DNAI4: variants seen among roughly 807,000 people sequenced by gnomAD.
DNAI4 encodes dynein axonemal intermediate chain 4, also known as WD repeat domain 78.
In DNAI4, 85 loss-of-function variants were observed where a neutral mutation model predicts 105.8. That is an observed-to-expected ratio of 0.80 (90% CI 0.67 to 0.96). DNAI4 has a LOEUF of 0.96. Ranked by LOEUF, DNAI4 falls within the 40% of genes least tolerant of loss-of-function variation. DNAI4 has a pLI of 0.00. For missense variants in DNAI4, 1,014 were observed against 1,005.6 expected (o/e 1.01, Z -0.11); for synonymous variants, 352 against 331.5 (o/e 1.06, Z -0.67).
At chr1:66,865,687 G>A (rs1646718201) in intron 6 of DNAI4, among the ~76,000 whole-genome samples, 8 of 152,074 alleles carry the variant, frequency 5.3e-5, no homozygotes, top group Admixed American at 5.2e-4. Flanking sequence ...CCTCCACAGG[G>A]GTAAGAACAG....
At chr1:66,917,201 G>C (rs1386295861) in intron 1 of DNAI4, among the ~76,000 whole-genome samples, 1 of 152,134 alleles carries the variant, frequency 6.6e-6, no homozygotes, top group East Asian at 1.9e-4. Flanking sequence ...CCAAAATGAT[G>C]GGAAACTCCT....
intron 16 of DNAI4, among the ~76,000 whole-genome samples, chr1:66,818,479 C>T (rs1366703281): frequency 6.6e-6 from 1 of 152,052 alleles, no homozygotes; most frequent in African/African-American, 2.4e-5. Flanking sequence ...AAGAGAATAA[C>T]AAAATATATA....
rs1406789170 is a variant in DNAI4, at chr1:66,847,464, T to A, written c.1291+20A>T. 1.2e-6 allele frequency: 2 copies of A among 1,606,450 alleles called. No homozygotes were observed. Among genetic ancestry groups the A allele is most frequent in the Non-Finnish European group, 8.5e-7 (1 of 1,176,786 alleles). ...TAAGCAACTGCACCCAGCCTAAACA[T>A]GTTTATTTTTTTTAAATACCTTTTA... is the stretch of plus-strand genomic sequence containing the variant. On this transcript the variant is annotated intron_variant, in intron 8 of 16. Coordinates refer to ENST00000371026, the MANE Select transcript of DNAI4 (RefSeq NM_024763.5).
chr1:66,871,560 G>A (rs376820697), intron 5 of DNAI4, 51 bp from the exon 6 acceptor site: 334 of 1,441,284 alleles, frequency 2.3e-4, no homozygotes, highest in Non-Finnish European at 2.6e-4. Context: ...ATCACCACAC[G>A]TATTATCTCT....
intron 16 of DNAI4, among the ~76,000 whole-genome samples, chr1:66,820,372 T>C (rs1250522701): frequency 2.0e-5 from 3 of 152,172 alleles, no homozygotes; most frequent in Non-Finnish European, 4.4e-5. Flanking sequence ...CTCTAGTTTT[T>C]CAATGCATAT....
At chr1:66,924,546 G>C (rs1021220083) in intron 1 of DNAI4, 116 bp downstream of exon 1, 2 of 1,410,608 alleles carry the variant, frequency 1.4e-6, no homozygotes, top group Non-Finnish European at 2.0e-6. Flanking sequence ...AAGGTCTACA[G>C]ACTGAACCCA....
At chr1:66,893,061 G>GAA (rs1557965283) in intron 3 of DNAI4, among the ~76,000 whole-genome samples, 168 bp downstream of exon 3, 134 of 93,560 alleles carry the variant, frequency 1.4e-3, no homozygotes, top group East Asian at 6.1e-3. Flanking sequence ...GAAAGAGAGA[G>GAA]AGAGAAAGAA....
At chr1:66,909,285 T>TACACACACACACACACAC (rs71058481) in intron 1 of DNAI4, among the ~76,000 whole-genome samples, 6,595 of 134,432 alleles carry the variant, frequency 0.049, 240 homozygotes, top group Middle Eastern at 0.091. Flanking sequence ...CACCTCTCTC[T>TACACACACACACACACAC]ACACACACAC....
At chr1:66,896,226 TTTTG>T (rs1340458666) in intron 2 of DNAI4, among the ~76,000 whole-genome samples, 1 of 152,226 alleles carries the variant, frequency 6.6e-6, no homozygotes, top group Non-Finnish European at 1.5e-5. Context: ...AGTTTTCAAT[TTTTG>T]TTTGTCTGCT....
intron 1 of DNAI4, among the ~76,000 whole-genome samples, chr1:66,917,185 T>C (rs1650130727): frequency 6.6e-6 from 1 of 152,248 alleles, no homozygotes; most frequent in African/African-American, 2.4e-5. Context: ...GTTATTGGTA[T>C]GTGTTCCAAA....
intron 10 of DNAI4, among the ~76,000 whole-genome samples, chr1:66,836,316 GAAA>G (rs879256386): frequency 3.5e-5 from 5 of 144,154 alleles, no homozygotes; most frequent in Admixed American, 2.1e-4. Context: ...AAGAAAGAAA[GAAA>G]GAAAGAAGGA....
At chr1:66,817,370 C>T (rs1022074762) in intron 16 of DNAI4, among the ~76,000 whole-genome samples, 4 of 152,052 alleles carry the variant, frequency 2.6e-5, no homozygotes, top group Admixed American at 2.0e-4. Context: ...TCCAGGAGTT[C>T]GAGATGAGTC....
intron 2 of DNAI4, among the ~76,000 whole-genome samples, chr1:66,894,412 T>C (rs1269346264): frequency 6.6e-6 from 1 of 152,222 alleles, no homozygotes; most frequent in African/African-American, 2.4e-5. Context: ...TATGAGTCCT[T>C]TCAGTTGTAT....
At chr1:66,913,778 C>A (rs917502378) in intron 1 of DNAI4, among the ~76,000 whole-genome samples, 7 of 151,914 alleles carry the variant, frequency 4.6e-5, no homozygotes, top group African/African-American at 1.7e-4. Context: ...GTCAGGAAAT[C>A]GAGACCATCC....
intron 4 of DNAI4, among the ~76,000 whole-genome samples, chr1:66,888,585 C>T (rs182086224): frequency 1.4e-4 from 22 of 152,178 alleles, no homozygotes; most frequent in Admixed American, 1.4e-3. Context: ...CCCAGCTATT[C>T]GGGAGGCTGA....
At chr1:66,850,746 G>T (rs1013865387) in intron 7 of DNAI4, among the ~76,000 whole-genome samples, 3 of 151,812 alleles carry the variant, frequency 2.0e-5, no homozygotes, top group African/African-American at 7.2e-5. Flanking sequence ...GGGAGGTAAG[G>T]TTTCTACGCT....
intron 1 of DNAI4, among the ~76,000 whole-genome samples, chr1:66,916,146 T>G (rs1009708861): frequency 1.0e-5 from 1 of 99,912 alleles, no homozygotes; most frequent in African/African-American, 2.7e-5. Context: ...AATGACTGGT[T>G]GTTTAAGAAG....
Position 66,886,082 on chromosome 1 carries a change from C to T in DNAI4, c.643+5072G>A, listed in dbSNP as rs1274604304. ...TTTTAGTTTGGGAATTTTTTATTGACCTTCAAATTAACTGATACTTTCCTT... is the reference window on the plus strand; with the variant it reads ...TTTTAGTTTGGGAATTTTTTATTGATCTTCAAATTAACTGATACTTTCCTT... On this transcript the variant is annotated intron_variant, in intron 4 of 16. Coordinates refer to ENST00000371026, the MANE Select transcript of DNAI4 (RefSeq NM_024763.5). Among the ~76,000 whole-genome samples, 6 of 152,056 alleles carry T rather than the reference C, an allele frequency of 3.9e-5. No individual in the cohort carries two copies. The East Asian group carries it at 1.2e-3, about 29-fold the overall frequency.
intron 16 of DNAI4, among the ~76,000 whole-genome samples, chr1:66,818,486 T>C (rs563848164): frequency 2.2e-4 from 33 of 152,280 alleles, no homozygotes; most frequent in Non-Finnish European, 2.5e-4. Flanking sequence ...TAACAAAATA[T>C]ATAATCTAAA....
Sources: gnomAD v4.1 joint callset for allele counts (sites outside exome capture counted in the v4.1 genomes callset) on GRCh38, gnomAD v4.1.1 for gene constraint, MANE v1.5 for transcripts, NCBI Gene and HGNC (gene_info 2026-07-23, HGNC 2026-07-21) for gene names.